GABRQ: variants seen among roughly 807,000 people sequenced by gnomAD.
The protein encoded by GABRQ is gamma-aminobutyric acid receptor subunit theta.
In GABRQ, 19 loss-of-function variants were observed where a neutral mutation model predicts 30.5. The observed-to-expected ratio is 0.62, with a 90% CI of 0.43 to 0.91. The LOEUF is 0.91. GABRQ is among the 40% of genes least tolerant of loss of function. The probability of loss-of-function intolerance (pLI) is 0.00; values close to 1 mark genes in which losing one functional copy is unlikely to be tolerated. For synonymous variants in GABRQ, 187 were observed against 210.2 expected (o/e 0.89, Z 0.95); for missense variants, 520 against 521.4 (o/e 1.00, Z 0.03).
intron 2 of GABRQ, among the ~76,000 whole-genome samples, chrX:152,642,567 G>A (rs1930784200): frequency 8.9e-6 from 1 of 112,794 alleles, no homozygotes; most frequent in Admixed American, 9.3e-5. Flanking sequence ...ACCTAGCTTA[G>A]CACCTGGCAT....
chrX:152,640,501 A>AG (rs1556818245), intron 2 of GABRQ, 35 bp downstream of exon 2: 1 of 878,361 alleles, frequency 1.1e-6, no homozygotes, highest in African/African-American at 2.0e-5. Context: ...AACTTGGGTT[A>AG]GGTGTCCTAG....
chrX:152,644,509 C>T (rs2124909990), intron 2 of GABRQ, among the ~76,000 whole-genome samples: 1 of 112,719 alleles, frequency 8.9e-6, no homozygotes, highest in Non-Finnish European at 1.9e-5. Context: ...CTAATACAGT[C>T]TTCCATATAC....
At chrX:152,642,416 TC>T (rs1556818538) in intron 2 of GABRQ, among the ~76,000 whole-genome samples, 1 of 111,809 alleles carries the variant, frequency 8.9e-6, no homozygotes, top group Non-Finnish European at 1.9e-5. Context: ...CCTTATTCCT[TC>T]CTTGCATACG....
intron 2 of GABRQ, among the ~76,000 whole-genome samples, chrX:152,641,076 C>T (rs1186746694): frequency 8.9e-6 from 1 of 111,892 alleles, no homozygotes; most frequent in African/African-American, 3.3e-5. Context: ...ACTCCTCAGC[C>T]TAGTCCTCAG....
chrX:152,646,660 T>A (rs1556819246), intron 3 of GABRQ, among the ~76,000 whole-genome samples: 1 of 112,196 alleles, frequency 8.9e-6, no homozygotes, highest in African/African-American at 3.2e-5. Flanking sequence ...AAAACTCGGA[T>A]AATGGTTACT....
chrX:152,641,198 C>T (rs1301136574), intron 2 of GABRQ, among the ~76,000 whole-genome samples: 1 of 111,915 alleles, frequency 8.9e-6, no homozygotes, highest in Non-Finnish European at 1.9e-5. Context: ...TTAAAAAGGG[C>T]GACTAGCCTG....
intron 2 of GABRQ, among the ~76,000 whole-genome samples, chrX:152,643,725 A>G (rs1556818728): frequency 8.9e-6 from 1 of 111,930 alleles, no homozygotes. Flanking sequence ...ACACATTAAC[A>G]CACACAATTA....
At chrX:152,645,783 G>A (rs1376091015) in intron 3 of GABRQ, among the ~76,000 whole-genome samples, 189 bp downstream of exon 3, 2 of 112,430 alleles carry the variant, frequency 1.8e-5, no homozygotes, top group African/African-American at 6.5e-5. Context: ...ACCACATCCA[G>A]AAACTCGGCT....
chrX:152,653,412 C>G lies in GABRQ; in HGVS notation c.*131C>G. ...TGGGCAATCCAATAAGTTCATACTT[C>G]TCTTTATAAACATGAGGTGGGGAGT... On this transcript the variant is annotated 3_prime_UTR_variant, in exon 9 of 9. Transcript: ENST00000598523. The G allele has an allele frequency of 2.1e-6, 1 of 484,709 alleles. No individual in the cohort carries two copies. The highest frequency in any genetic ancestry group is 3.5e-5 in the South Asian group (1 of 28,408). 39.9% of individuals were successfully genotyped at this position (484,709 alleles called of 1,213,427 possible).
intron 1 of GABRQ, among the ~76,000 whole-genome samples, 165 bp from the exon 2 acceptor site, chrX:152,640,213 T>G (rs979520574): frequency 8.2e-5 from 9 of 110,414 alleles, no homozygotes; most frequent in African/African-American, 2.0e-4. Context: ...GCTGCGCTTC[T>G]GGCTGACTCA....
At position 152,650,439 on chromosome X, in the gene GABRQ, C is replaced by T. The variant is rs376267415; in HGVS notation, c.760C>T (p.Arg254Cys). 6.7e-5 allele frequency: 81 copies of T among 1,205,381 alleles called. No homozygotes were observed. The highest frequency in any genetic ancestry group is 2.3e-4 in the Middle Eastern group (1 of 4,324). Residue 254 changes from arginine (R) to cysteine (C), a missense_variant, in exon 7 of 9, where the codon CGC becomes TGC. By Grantham distance (180) the Arg-to-Cys change is radical. Transcript: ENST00000598523. The stretch of plus-strand genomic sequence containing the variant: ...TGTCTCCTTGCCAGGTTCCTACATA[C>T]GCCTGATACTGAAGTTCCAGGTTCA... ...EVYFYTGSYI[R>C]LILKFQVQRE...
Position 152,652,990 on chromosome X carries a change from C to T in GABRQ, c.1608C>T (p.Asp536=). 5.8e-6 allele frequency: 7 copies of T among 1,210,719 alleles called. No individual in the cohort carries two copies. Among genetic ancestry groups the T allele is most frequent in the Non-Finnish European group, 7.8e-6 (7 of 894,534 alleles). The change falls in exon 9 of 9, where the codon GAC becomes GAT. Residue 536 remains aspartate, a synonymous_variant. Transcript: ENST00000598523. ...GVQEAGWDLD[D]NNDKSDCLAI... ...AAGAAGCAGGCTGGGACCTTGATGA[C>T]AACAATGACAAGAGCGACTGCCTTG...
chrX:152,643,036 C>T (rs1930795181), intron 2 of GABRQ, among the ~76,000 whole-genome samples: 1 of 112,222 alleles, frequency 8.9e-6, no homozygotes, highest in Non-Finnish European at 1.9e-5. Context: ...TCGGGGTCGC[C>T]AGCATTCCAC....
rs1930911116 is a variant in GABRQ, at chrX:152,647,182, G to A, written c.527+14G>A. ...GTACGGCATCCGGTGAGTCCCCTAG[G>A]GGTCTGGGGATGTCCCAGCAGACTT... On this transcript the variant is annotated intron_variant, in intron 4 of 8. Coordinates refer to ENST00000598523, the MANE Select transcript of GABRQ (RefSeq NM_018558.4). The A allele has an allele frequency of 1.8e-6, 2 of 1,130,183 alleles. No homozygotes were observed. Among genetic ancestry groups the A allele is most frequent in the Admixed American group, 4.4e-5 (2 of 45,884 alleles). 93.1% of individuals were successfully genotyped at this position (1,130,183 alleles called of 1,213,427 possible).
intron 5 of GABRQ, 128 bp downstream of exon 5, chrX:152,649,461 C>T (rs1930965263): frequency 2.0e-6 from 1 of 497,944 alleles, no homozygotes; most frequent in Admixed American, 2.9e-5. Context: ...ATTCTCTCTC[C>T]CAAAATAAAT....
In GABRQ at chrX:152,645,533, C is replaced by A. The variant is rs1556819090; in HGVS notation, c.245C>A (p.Pro82His). The A allele has an allele frequency of 1.2e-5, 13 of 1,104,361 alleles. No homozygotes were observed. Among genetic ancestry groups the A allele is most frequent in the Admixed American group, 2.2e-5 (1 of 45,856 alleles). 91.0% of individuals were successfully genotyped at this position (1,104,361 alleles called of 1,213,427 possible). A position where few individuals can be genotyped will look rare whatever the true frequency, so the allele number is the denominator to read the frequency against. The change falls in exon 3 of 9, where the codon CCT becomes CAT. Residue 82 changes from proline (P) to histidine (H), a missense_variant. Transcript: ENST00000598523. ...VRLRPNFGGA[P>H]VPVRISIYVT... Reference sequence around the variant, plus strand: ...GTGTCTTTCTGTCTTCTAGGTGCCCCTGTGCCTGTGAGAATATCTATTTAT... The same window carrying A: ...GTGTCTTTCTGTCTTCTAGGTGCCCATGTGCCTGTGAGAATATCTATTTAT...
chrX:152,657,673 C>T (rs934803075), downstream of GABRQ: 1 of 112,142 alleles, frequency 8.9e-6, no homozygotes, highest in Admixed American at 9.4e-5. Context: ...TAGACCTCTT[C>T]ATACCCCAGG....
rs782484052 is a variant in GABRQ at position 152,653,191 on chromosome X, C to T, written c.1809C>T (p.Tyr603=). The T allele has an allele frequency of 3.6e-5, 43 of 1,207,332 alleles. No homozygotes were observed. Among genetic ancestry groups the T allele is most frequent in the South Asian group, 3.0e-4 (17 of 56,678 alleles). Residue 603 remains tyrosine (Y), a synonymous_variant, in exon 9 of 9, where the codon TAC becomes TAT. Transcript: ENST00000598523. ...CCTTCGATCTCTTTAATCCTGACTA[C>T]GTCCCAAAGGTCGACAAGTGGTCCC... ...GFSFDLFNPD[Y]VPKVDKWSRF... is the part of the protein sequence containing the mutation.
chrX:152,640,083 C>T (rs1408132457), intron 1 of GABRQ, among the ~76,000 whole-genome samples: 2 of 110,923 alleles, frequency 1.8e-5, no homozygotes, highest in African/African-American at 6.6e-5. Flanking sequence ...CTTCTCCTAC[C>T]GCCTCCTCTC....
Sources: gnomAD v4.1 joint callset for allele counts (sites outside exome capture counted in the v4.1 genomes callset) on GRCh38, gnomAD v4.1.1 for gene constraint, MANE v1.5 for transcripts, NCBI Gene and HGNC (gene_info 2026-07-23, HGNC 2026-07-21) for gene names.